Variants in MMD2 observed in about 807,000 individuals in gnomAD.
MMD2 encodes monocyte to macrophage differentiation factor 2.
Under a neutral mutation model 33.5 loss-of-function variants are expected in MMD2, and 30 were observed. The ratio of observed to expected loss-of-function variants is 0.90; its 90% CI spans 0.67 to 1.22. The LOEUF is 1.22. MMD2 is among the 50% of genes most tolerant of loss of function. The probability of loss-of-function intolerance (pLI) is 0.00; values close to 1 mark genes in which losing one functional copy is unlikely to be tolerated. For missense variants in MMD2, 364 were observed against 325.4 expected (o/e 1.12, Z -0.91); for synonymous variants, 129 against 123.0 (o/e 1.05, Z -0.32).
At position 4,946,509 on chromosome 7, in the gene MMD2, C is replaced by G. The variant is rs921029814; in HGVS notation, c.47+12462G>C. On this transcript the variant is annotated intron_variant, in intron 1 of 6. Coordinates refer to ENST00000401401, the MANE Select transcript of MMD2 (RefSeq NM_198403.4). This position sits in a 1 kb window ranked among gnomAD's most constrained non-coding sequence, Gnocchi z 5.0. ...TCTTGAAAAAGCATAAAATTGCAACCGCGAGTGAAACAAAGGATTCAGACA... is the reference window on the plus strand; with the variant it reads ...TCTTGAAAAAGCATAAAATTGCAACGGCGAGTGAAACAAAGGATTCAGACA... 6.6e-6 allele frequency among the ~76,000 whole-genome samples: 1 copy of G among 151,982 alleles called. No individual in the cohort carries two copies. The highest frequency in any genetic ancestry group is 6.6e-5 in the Admixed American group (1 of 15,228).
Position 4,949,422 on chromosome 7 carries a change from AG to A in MMD2, c.47+9548del, listed in dbSNP as rs1418121574. On this transcript the variant is annotated intron_variant, in intron 1 of 6. Transcript: ENST00000401401. ...GATTTTTTGATCCCACAAATAAGTG[AG>A]AACATGCAATGTTTGTCTTTCTGTG... Among the ~76,000 whole-genome samples the A allele has an allele frequency of 2.6e-5, 4 of 151,978 alleles. No individual in the cohort carries two copies. In the East Asian group the frequency reaches 7.7e-4, roughly 29 times the overall value.
At chr7:4,955,986 G>A (rs1786372571) in intron 1 of MMD2, among the ~76,000 whole-genome samples, 1 of 152,144 alleles carries the variant, frequency 6.6e-6, no homozygotes, top group African/African-American at 2.4e-5. Context: ...CTGGGAGGCG[G>A]AGGTTGCAGT....
chr7:4,952,582 A>G (rs1786275318), intron 1 of MMD2, among the ~76,000 whole-genome samples: 1 of 151,982 alleles, frequency 6.6e-6, no homozygotes, highest in African/African-American at 2.4e-5. Flanking sequence ...CCTCACAGTT[A>G]GTCCTACCAA....
At chr7:4,913,361 TTTC>T (rs1430162810) in intron 4 of MMD2, among the ~76,000 whole-genome samples, 1 of 152,148 alleles carries the variant, frequency 6.6e-6, no homozygotes, top group African/African-American at 2.4e-5. Context: ...CAAACAAATG[TTTC>T]TTCACCATAA....
At chr7:4,957,437 A>G (rs989995724) in intron 1 of MMD2, among the ~76,000 whole-genome samples, 5 of 150,018 alleles carry the variant, frequency 3.3e-5, no homozygotes, top group African/African-American at 9.8e-5. Flanking sequence ...TCACGACGTC[A>G]AGAGATTGAG....
In MMD2 at chr7:4,929,607, C is replaced by G. The variant is rs534335513; in HGVS notation, c.48-4075G>C. Among the ~76,000 whole-genome samples, 249 of 152,230 alleles carry G rather than the reference C, an allele frequency of 1.6e-3. 1 individual carries two copies. The highest frequency in any genetic ancestry group is 5.7e-3 in the African/African-American group (235 of 41,532). On this transcript the variant is annotated intron_variant, in intron 1 of 6. Transcript: ENST00000401401. ...TGGCGCTGTCTTGGCTCACTGCAACCTCTGCCTCCCGGGTTCAAGTGATTA... is the reference window on the plus strand; with the variant it reads ...TGGCGCTGTCTTGGCTCACTGCAACGTCTGCCTCCCGGGTTCAAGTGATTA...
At chr7:4,950,325 C>T (rs1247478214) in intron 1 of MMD2, among the ~76,000 whole-genome samples, 2 of 152,072 alleles carry the variant, frequency 1.3e-5, no homozygotes, top group Non-Finnish European at 2.9e-5. Flanking sequence ...CTTGAACTCC[C>T]TACCTCAGGT....
chr7:4,919,757 G>A (rs879807256), intron 3 of MMD2, among the ~76,000 whole-genome samples: 23 of 152,150 alleles, frequency 1.5e-4, no homozygotes, highest in Admixed American at 5.2e-4. Context: ...TTAGCTGGAC[G>A]TGGTGGTGCA....
chr7:4,943,074 A>G (rs578222064), intron 1 of MMD2, among the ~76,000 whole-genome samples: 7 of 141,312 alleles, frequency 5.0e-5, no homozygotes, highest in African/African-American at 1.9e-4. Flanking sequence ...CAGTGGCGCA[A>G]TGTCAGCTCA....
rs116810111 is a variant in MMD2 at position 4,921,203 on chromosome 7, G to A, written c.130-872C>T. Reference sequence around the variant, plus strand: ...GCCACCACACAGAGAAGTATGATGTGCCACATGTGACCCATCATCACCACT... The same window carrying A: ...GCCACCACACAGAGAAGTATGATGTACCACATGTGACCCATCATCACCACT... On this transcript the variant is annotated intron_variant, in intron 2 of 6. Coordinates refer to ENST00000401401, the MANE Select transcript of MMD2 (RefSeq NM_198403.4). Among the ~76,000 whole-genome samples, 379 of 152,174 alleles carry A rather than the reference G, an allele frequency of 2.5e-3. 1 individual carries two copies. The highest frequency in any genetic ancestry group is 8.8e-3 in the African/African-American group (366 of 41,518).
intron 1 of MMD2, among the ~76,000 whole-genome samples, chr7:4,948,509 G>T (rs1343075114): frequency 4.0e-5 from 6 of 151,654 alleles, no homozygotes; most frequent in Non-Finnish European, 8.8e-5. Context: ...AATGACAAGA[G>T]CGAGACTCCG....
intron 1 of MMD2, among the ~76,000 whole-genome samples, chr7:4,926,842 T>C (rs1420152442): frequency 6.6e-6 from 1 of 152,048 alleles, no homozygotes; most frequent in Non-Finnish European, 1.5e-5. Flanking sequence ...CCTCCTGGGT[T>C]CACGCCATTC....
chr7:4,923,525 G>A (rs575631166), intron 2 of MMD2, among the ~76,000 whole-genome samples: 52 of 152,238 alleles, frequency 3.4e-4, no homozygotes, highest in Middle Eastern at 3.4e-3. Context: ...TGGCTCTTAC[G>A]ATGTCCATTC....
chr7:4,929,114 G>C (rs78466900), intron 1 of MMD2, among the ~76,000 whole-genome samples: 12,771 of 152,214 alleles, frequency 0.084, 591 homozygotes, highest in Middle Eastern at 0.18. Context: ...TGGGACACTT[G>C]GCGCCTGGGT....
At chr7:4,893,905 G>A in the MMD2 span, among the ~76,000 whole-genome samples, 2 of 152,130 alleles carry the variant, frequency 1.3e-5, no homozygotes, top group Admixed American at 1.3e-4. Context: ...CATTGAGGAC[G>A]ACCAGAGGTC....
intron 1 of MMD2, among the ~76,000 whole-genome samples, chr7:4,950,076 CTTTTGTG>C (rs1347917827): frequency 3.4e-5 from 2 of 58,704 alleles, no homozygotes; most frequent in Admixed American, 2.3e-4. Flanking sequence ...CATTCACCTT[CTTTTGTG>C]TGTGTGTGTG....
chr7:4,933,879 G>A (rs1562487966), intron 1 of MMD2, among the ~76,000 whole-genome samples: 1 of 147,888 alleles, frequency 6.8e-6, no homozygotes, highest in Non-Finnish European at 1.5e-5. Flanking sequence ...GTGATCCTCT[G>A]GCCTCAGCCT....
At chr7:4,912,833 G>A (rs1785049755) in intron 4 of MMD2, among the ~76,000 whole-genome samples, 1 of 152,008 alleles carries the variant, frequency 6.6e-6, no homozygotes. Context: ...AGCCTCCCGA[G>A]TAGCTGGGAT....
At chr7:4,900,657 G>A in the MMD2 span, among the ~76,000 whole-genome samples, 149 of 152,072 alleles carry the variant, frequency 9.8e-4, no homozygotes, top group African/African-American at 3.2e-3. Context: ...AACATGAGAC[G>A]GGATGGTATA....
Sources: allele counts gnomAD v4.1 joint callset (sites outside exome capture counted in the v4.1 genomes callset), GRCh38; gene constraint gnomAD v4.1.1; non-coding constraint Gnocchi (gnomAD v3.1); transcripts MANE v1.5; gene names NCBI Gene and HGNC (gene_info 2026-07-23, HGNC 2026-07-21).